The following RBFOX1 variants were observed in gnomAD, a reference collection of about 807,000 sequenced individuals.
RBFOX1 encodes the protein RNA binding fox-1 homolog 1, also known as RNA binding protein fox-1 homolog 1.
A neutral mutation model predicts 57.7 loss-of-function variants in RBFOX1; 8 were observed. That is an observed-to-expected ratio of 0.14 (90% CI 0.08 to 0.25). The LOEUF is 0.25. Among genes scored for constraint, RBFOX1 ranks in the 10% least tolerant of loss-of-function variants. The pLI is 1.00. For missense variants in RBFOX1, 611 were observed against 548.5 expected, an observed-to-expected ratio of 1.11 and a Z score of -1.14; for synonymous variants, 326 against 222.4, an observed-to-expected ratio of 1.47 and a Z score of -4.15.
intron 14 of RBFOX1, among the ~76,000 whole-genome samples, chr16:7,700,064 T>G (rs1193726150): frequency 6.6e-6 from 1 of 152,144 alleles, no homozygotes; most frequent in Non-Finnish European, 1.5e-5. Context: ...TCCCTACTTC[T>G]CAACCTGCTT....
At chr16:7,065,146 C>A (rs771273261) in intron 4 of RBFOX1, among the ~76,000 whole-genome samples, 1 of 152,148 alleles carries the variant, frequency 6.6e-6, no homozygotes, top group Non-Finnish European at 1.5e-5. Context: ...GCATTTGTAA[C>A]CTTACCTAAA....
intron 1 of RBFOX1, among the ~76,000 whole-genome samples, chr16:6,240,015 G>T (rs541138591): frequency 1.3e-5 from 2 of 152,242 alleles, no homozygotes; most frequent in African/African-American, 4.8e-5. Flanking sequence ...GATCTCTCAA[G>T]GCTTGGTGCT....
intron 1 of RBFOX1, among the ~76,000 whole-genome samples, chr16:5,292,833 C>G (rs1463612215): frequency 6.6e-6 from 1 of 151,974 alleles, no homozygotes; most frequent in Non-Finnish European, 1.5e-5. Flanking sequence ...CCATGTTAGC[C>G]AGGATGGTCT....
chr16:6,987,764 G>A (rs937654423), intron 3 of RBFOX1, among the ~76,000 whole-genome samples: 4 of 152,310 alleles, frequency 2.6e-5, no homozygotes, highest in African/African-American at 9.6e-5. Context: ...AGATAGCAGA[G>A]GGGAGGAGAA....
chr16:7,231,016 C>A (rs965414118), intron 4 of RBFOX1, among the ~76,000 whole-genome samples: 1 of 152,114 alleles, frequency 6.6e-6, no homozygotes, highest in African/African-American at 2.4e-5. Flanking sequence ...GGTACCTGAA[C>A]AAGCACCTCT....
At chr16:6,325,619 C>T (rs1424737635) in intron 2 of RBFOX1, among the ~76,000 whole-genome samples, 1 of 152,068 alleles carries the variant, frequency 6.6e-6, no homozygotes, top group East Asian at 1.9e-4. Flanking sequence ...CACCTGATTC[C>T]TACTGGTGGT....
chr16:5,745,949 C>T (rs2052964195), intron 3 of RBFOX1, among the ~76,000 whole-genome samples: 1 of 152,110 alleles, frequency 6.6e-6, no homozygotes, highest in South Asian at 2.1e-4. Flanking sequence ...TTAATTAGAT[C>T]CCATTTGTCA....
At chr16:5,669,015 A>T (rs189239519) in intron 3 of RBFOX1, among the ~76,000 whole-genome samples, 2 of 152,174 alleles carry the variant, frequency 1.3e-5, no homozygotes, top group African/African-American at 4.8e-5. Context: ...TCCTTGCCCA[A>T]TCAGTCCACC....
intron 4 of RBFOX1, among the ~76,000 whole-genome samples, chr16:5,940,262 G>T (rs574381004): frequency 4.6e-5 from 7 of 152,080 alleles, no homozygotes; most frequent in Non-Finnish European, 1.5e-5. Context: ...CTTCTGAGTC[G>T]CATCTTCCAC....
intron 3 of RBFOX1, among the ~76,000 whole-genome samples, chr16:7,036,979 A>T (rs961129459): frequency 6.6e-6 from 1 of 152,124 alleles, no homozygotes; most frequent in Non-Finnish European, 1.5e-5. Context: ...CATACAGGGT[A>T]ACTTCCTGAC....
At chr16:6,648,660 G>C (rs190347522) in intron 2 of RBFOX1, among the ~76,000 whole-genome samples, 1 of 152,092 alleles carries the variant, frequency 6.6e-6, no homozygotes, top group Admixed American at 6.5e-5. Context: ...TTCAGTAACT[G>C]AGGGCTCTTC....
intron 3 of RBFOX1, among the ~76,000 whole-genome samples, chr16:6,717,846 C>A (rs977958251): frequency 6.6e-6 from 1 of 152,152 alleles, no homozygotes; most frequent in Non-Finnish European, 1.5e-5. Flanking sequence ...GATGGTGTTT[C>A]GTGGGATACC....
intron 4 of RBFOX1, among the ~76,000 whole-genome samples, chr16:7,356,023 T>A (rs1051137779): frequency 1.1e-4 from 16 of 152,142 alleles, no homozygotes; most frequent in African/African-American, 3.4e-4. Context: ...GTTTGAAAAA[T>A]GAAGAAGCAA....
chr16:6,639,535 A>T (rs533636801), intron 2 of RBFOX1, among the ~76,000 whole-genome samples: 2 of 152,312 alleles, frequency 1.3e-5, no homozygotes, highest in South Asian at 2.1e-4. Context: ...AATAACTATG[A>T]TAAAATTATA....
intron 3 of RBFOX1, among the ~76,000 whole-genome samples, chr16:5,846,711 C>T (rs555547186): frequency 2.0e-5 from 3 of 152,274 alleles, no homozygotes; most frequent in East Asian, 3.9e-4. Context: ...AAGGGCTGAG[C>T]GCCATTGCTC....
intron 4 of RBFOX1, among the ~76,000 whole-genome samples, chr16:7,059,117 CT>C (rs2053443353): frequency 6.6e-6 from 1 of 152,176 alleles, no homozygotes; most frequent in East Asian, 1.9e-4. Context: ...AACCCATCGC[CT>C]TCATCTGGAC....
chr16:6,486,148 G>T (rs1597983742), intron 2 of RBFOX1, among the ~76,000 whole-genome samples: 1 of 101,428 alleles, frequency 9.9e-6, no homozygotes, highest in Non-Finnish European at 1.8e-5. Flanking sequence ...TGCAATATTT[G>T]GAAAATATAT....
At chr16:6,226,267 G>C (rs546704973) in intron 1 of RBFOX1, among the ~76,000 whole-genome samples, 2 of 151,250 alleles carry the variant, frequency 1.3e-5, no homozygotes, top group Admixed American at 1.3e-4. Flanking sequence ...CAGGTACTCG[G>C]GAGGCTGAGG....
intron 1 of RBFOX1, among the ~76,000 whole-genome samples, chr16:6,079,875 T>A (rs1035902027): frequency 1.3e-5 from 2 of 152,186 alleles, no homozygotes; most frequent in Non-Finnish European, 2.9e-5. Flanking sequence ...AATTTTTAAA[T>A]AATTCCTTCC....
Sources: gnomAD v4.1 joint callset for allele counts (sites outside exome capture counted in the v4.1 genomes callset) on GRCh38, gnomAD v4.1.1 for gene constraint, MANE v1.5 for transcripts, NCBI Gene and HGNC (gene_info 2026-07-23, HGNC 2026-07-21) for gene names.